TACR3: variants seen among roughly 807,000 people sequenced by gnomAD.
The protein encoded by TACR3 is neuromedin-K receptor.
A neutral mutation model predicts 35.0 loss-of-function variants in TACR3; 34 were observed. That is an observed-to-expected ratio of 0.97 (90% CI 0.74 to 1.30). The LOEUF (loss-of-function observed/expected upper bound fraction) is 1.30, where lower values mean the gene tolerates loss of function less well. Among genes scored for constraint, TACR3 ranks in the 50% most tolerant of loss-of-function variants. TACR3 has a pLI of 0.00. For synonymous variants in TACR3, 233 were observed against 221.1 expected, an observed-to-expected ratio of 1.05 and a Z score of -0.48; for missense variants, 558 against 591.7, an observed-to-expected ratio of 0.94 and a Z score of 0.59.
At chr4:103,599,501 A>G in intron 3 of TACR3, among the ~76,000 whole-genome samples, 1 of 152,124 alleles carries the variant, frequency 6.6e-6, no homozygotes, top group East Asian at 1.9e-4. Flanking sequence ...GTTGAATAGG[A>G]GTGGTGAGAG....
intron 1 of TACR3, among the ~76,000 whole-genome samples, chr4:103,714,815 C>G (rs1470713891): frequency 6.6e-6 from 1 of 152,102 alleles, no homozygotes; most frequent in African/African-American, 2.4e-5. Flanking sequence ...TACCACAATA[C>G]ATTTAGATAA....
At chr4:103,708,482 C>T (rs941393555) in intron 1 of TACR3, among the ~76,000 whole-genome samples, 1 of 152,140 alleles carries the variant, frequency 6.6e-6, no homozygotes, top group Admixed American at 6.6e-5. Context: ...ATAGAAAGGA[C>T]ATCCGCACCA....
chr4:103,611,204 G>T (rs2110297256), intron 3 of TACR3, among the ~76,000 whole-genome samples: 1 of 152,164 alleles, frequency 6.6e-6, no homozygotes, highest in South Asian at 2.1e-4. Flanking sequence ...TTTGTAAATT[G>T]TTTTGGGTAG....
At chr4:103,625,119 T>C (rs1376779459) in intron 3 of TACR3, among the ~76,000 whole-genome samples, 3 of 152,310 alleles carry the variant, frequency 2.0e-5, no homozygotes, top group Non-Finnish European at 4.4e-5. Context: ...TTTGGACTCA[T>C]CTACAAAATC....
rs151158699 is a variant in TACR3 at position 103,589,846 on chromosome 4, C to T, written c.1234G>A (p.Val412Met). 7 of 1,613,778 alleles carry T rather than the reference C, an allele frequency of 4.3e-6. No individual in the cohort carries two copies. The highest frequency in any genetic ancestry group is 1.7e-5 in the Admixed American group (1 of 59,970). Reference sequence around the variant, plus strand: ...GTGTCTGCATCGTTGGGGTCAAACACGACTGTCATGGACTCCATTCTGGTC... The same window carrying T: ...GTGTCTGCATCGTTGGGGTCAAACATGACTGTCATGGACTCCATTCTGGTC... ...TVTRMESMTV[V>M]FDPNDADTTR... Residue 412 changes from valine to methionine, a missense_variant, in exon 5 of 5, where the codon GTG (valine) becomes ATG (methionine). Transcript: ENST00000304883.
At chr4:103,692,265 T>A (rs529419581) in intron 1 of TACR3, among the ~76,000 whole-genome samples, 5 of 152,264 alleles carry the variant, frequency 3.3e-5, no homozygotes, top group Admixed American at 6.5e-5. Flanking sequence ...AAGAAAAGAT[T>A]TGCTATATAA....
intron 3 of TACR3, among the ~76,000 whole-genome samples, chr4:103,639,314 C>T (rs917406081): frequency 2.6e-5 from 4 of 151,966 alleles, no homozygotes; most frequent in Non-Finnish European, 4.4e-5. Context: ...AACTGGAAAC[C>T]ATCATTCTCA....
chr4:103,615,793 T>TA (rs1724643923), intron 3 of TACR3, among the ~76,000 whole-genome samples: 1 of 152,208 alleles, frequency 6.6e-6, no homozygotes, highest in African/African-American at 2.4e-5. Flanking sequence ...TTAACTGTAA[T>TA]ATATAGAGCA....
intron 3 of TACR3, among the ~76,000 whole-genome samples, chr4:103,650,678 TA>T (rs1560821967): frequency 1.8e-3 from 15 of 8,466 alleles, no homozygotes; most frequent in African/African-American, 0.015. Flanking sequence ...AAATATATAT[TA>T]TATCATATAT....
At position 103,613,840 on chromosome 4, in the gene TACR3, T is replaced by C. The variant is rs550683649; in HGVS notation, c.889-22157A>G. ...GCTACCACCTCACTATGTGCTCACA[T>C]TACCTCTTTTTTTTTGGTACAGGAG... On this transcript the variant is annotated intron_variant, in intron 3 of 4. Transcript: ENST00000304883. Among the ~76,000 whole-genome samples, 7 of 152,238 alleles carry C rather than the reference T, an allele frequency of 4.6e-5. No individual in the cohort carries two copies. The East Asian group carries it at 9.7e-4, about 21-fold the overall frequency.
At chr4:103,621,708 A>G (rs7665881) in intron 3 of TACR3, among the ~76,000 whole-genome samples, 45,056 of 152,058 alleles carry the variant, frequency 0.3, 6,948 homozygotes, top group Non-Finnish European at 0.3. Flanking sequence ...AGAATATTCT[A>G]TAAAATGGAA....
chr4:103,719,156 A>G lies in TACR3; in HGVS notation c.520T>C (p.Tyr174His), dbSNP rs770457647. The G allele has an allele frequency of 6.8e-6, 11 of 1,614,028 alleles. No homozygotes were observed. The African/African-American group carries it at 8.0e-5, about 12-fold the overall frequency. The change falls in exon 1 of 5, where the codon TAC becomes CAC. Residue 174 changes from tyrosine to histidine, a missense_variant. Coordinates refer to ENST00000304883, the MANE Select transcript of TACR3 (RefSeq NM_001059.3). ...TCCACCGCAATGGCCGTCATGGAGT[A>G]GATGCTGGCGAACACAGCTGTGATA... ...FPITAVFASI[Y>H]SMTAIAVDRY...
chr4:103,648,520 G>A (rs370361486), intron 3 of TACR3, among the ~76,000 whole-genome samples: 12 of 151,708 alleles, frequency 7.9e-5, no homozygotes, highest in Non-Finnish European at 7.4e-5. Context: ...GCTCCCACAC[G>A]TAAGTGGGAC....
At chr4:103,668,907 G>A (rs558259543) in intron 1 of TACR3, among the ~76,000 whole-genome samples, 12 of 150,884 alleles carry the variant, frequency 8.0e-5, no homozygotes, top group South Asian at 2.1e-4. Context: ...TGATAAAATC[G>A]TATGATGTGT....
intron 1 of TACR3, among the ~76,000 whole-genome samples, chr4:103,712,022 A>C (rs1245799443): frequency 6.6e-6 from 1 of 152,240 alleles, no homozygotes; most frequent in Admixed American, 6.5e-5. Context: ...AGAACATTCC[A>C]TGCTCATGGG....
intron 3 of TACR3, among the ~76,000 whole-genome samples, chr4:103,643,474 T>G (rs1289997710): frequency 1.3e-5 from 2 of 151,164 alleles, no homozygotes; most frequent in Non-Finnish European, 3.0e-5. Flanking sequence ...TGCCTAAGGG[T>G]AGCTACCAAT....
chr4:103,628,778 A>T (rs578230493), intron 3 of TACR3, among the ~76,000 whole-genome samples: 1 of 152,310 alleles, frequency 6.6e-6, no homozygotes, highest in Admixed American at 6.5e-5. Context: ...AAAAGAGGGA[A>T]TCCTCCCTAA....
chr4:103,719,334 CTTGT>C lies in TACR3; in HGVS notation c.338_341del (p.His113ArgfsTer3). The C allele has an allele frequency of 6.2e-7, 1 of 1,614,210 alleles. No individual in the cohort carries two copies. Among genetic ancestry groups the C allele is most frequent in the Non-Finnish European group, 8.5e-7 (1 of 1,180,042 alleles). On this transcript the variant is annotated frameshift_variant, in exon 1 of 5. Transcript: ENST00000304883. LOFTEE classifies it high-confidence loss of function. ...AGTAGTTGGTGACAGTCCTCATGCG[CTTGT>C]GGGCCAGGATGATCCAGATGACGAT...
At chr4:103,628,346 T>A (rs1724954910) in intron 3 of TACR3, among the ~76,000 whole-genome samples, 2 of 152,024 alleles carry the variant, frequency 1.3e-5, no homozygotes, top group Admixed American at 1.3e-4. Context: ...AAAAAATCAA[T>A]GAATCCAGGA....
Sources: gnomAD v4.1 joint callset for allele counts (sites outside exome capture counted in the v4.1 genomes callset) on GRCh38, gnomAD v4.1.1 for gene constraint, MANE v1.5 for transcripts, NCBI Gene and HGNC (gene_info 2026-07-23, HGNC 2026-07-21) for gene names.